Variants in GMEB1 observed in about 807,000 individuals in gnomAD.
GMEB1 encodes the protein glucocorticoid modulatory element-binding protein 1.
In GMEB1, 6 loss-of-function variants were observed where a neutral mutation model predicts 52.4. The ratio of observed to expected loss-of-function variants is 0.11; its 90% CI spans 0.06 to 0.23. GMEB1 has a LOEUF of 0.23. Ranked by LOEUF, GMEB1 falls within the 10% of genes least tolerant of loss-of-function variation. The pLI, the probability that GMEB1 is intolerant of heterozygous loss-of-function variation, is 1.00. For synonymous variants in GMEB1, 255 were observed against 244.9 expected (o/e 1.04, Z -0.38); for missense variants, 486 against 685.6 (o/e 0.71, Z 3.25).
chr1:28,712,977 CCT>C (rs1462201924), intron 9 of GMEB1, among the ~76,000 whole-genome samples: 2 of 144,266 alleles, frequency 1.4e-5, no homozygotes, highest in African/African-American at 2.6e-5. Flanking sequence ...ATGGTGAAAC[CCT>C]GTCTCTACTA....
chr1:28,685,321 T>G (rs1431307151), intron 2 of GMEB1, among the ~76,000 whole-genome samples: 2 of 152,034 alleles, frequency 1.3e-5, no homozygotes, highest in Non-Finnish European at 2.9e-5. Context: ...GTGATTCTCC[T>G]GCCTCAGACT....
Position 28,695,233 on chromosome 1 carries a change from T to C in GMEB1, c.441-1694T>C, listed in dbSNP as rs146146822. The stretch of plus-strand genomic sequence containing the variant: ...CTGCCCACCTCACCTCCCAAAGTGC[T>C]GGGATTACAGGCGTGAGCCACCACA... On this transcript the variant is annotated intron_variant, in intron 5 of 9. Transcript: ENST00000373816. Among the ~76,000 whole-genome samples, 506 of 150,998 alleles carry C rather than the reference T, an allele frequency of 3.4e-3. 3 individuals carry two copies. The highest frequency in any genetic ancestry group is 0.012 in the African/African-American group (489 of 41,156).
Position 28,712,059 on chromosome 1 carries a change from A to G in GMEB1, c.991+1417A>G, listed in dbSNP as rs189886946. 1.7e-4 allele frequency among the ~76,000 whole-genome samples: 26 copies of G among 152,232 alleles called. 1 individual carries two copies. In the East Asian group the frequency reaches 4.8e-3, roughly 28 times the overall value. Reference sequence around the variant, plus strand: ...TGCAAATGACCTGTGCTTCTGACCAACTGGCTATAAATTGGGGTTCCCACA... The same window carrying G: ...TGCAAATGACCTGTGCTTCTGACCAGCTGGCTATAAATTGGGGTTCCCACA... On this transcript the variant is annotated intron_variant, in intron 9 of 9. Coordinates refer to ENST00000373816, the MANE Select transcript of GMEB1 (RefSeq NM_001319674.2).
At chr1:28,699,272 T>A (rs1252176990) in intron 6 of GMEB1, among the ~76,000 whole-genome samples, 1 of 152,148 alleles carries the variant, frequency 6.6e-6, no homozygotes, top group Non-Finnish European at 1.5e-5. Context: ...AACTGTAAGA[T>A]TATTATTAAG....
Position 28,690,186 on chromosome 1 carries a change from G to A in GMEB1, c.211G>A (p.Asp71Asn). The A allele has an allele frequency of 7.9e-7, 1 of 1,264,704 alleles. No homozygotes were observed. Among genetic ancestry groups the A allele is most frequent in the Non-Finnish European group, 1.1e-6 (1 of 895,752 alleles). 78.3% of individuals were successfully genotyped at this position (1,264,704 alleles called of 1,614,324 possible). A position where few individuals can be genotyped will look rare whatever the true frequency, so the allele number is the denominator to read the frequency against. The part of the protein sequence containing the change: ...HTIHKIEEGI[D>N]TGTIEANEDM... ...GATACACAAAATTGAAGAAGGGATT[G>A]GTAAGGGTTTTTTTGTGTTTTTTTT... The change falls in exon 3 of 10, where the codon GAT becomes AAT. Residue 71 changes from aspartate to asparagine, a missense_variant and splice_region_variant. By Grantham distance (23) the Asp-to-Asn change is conservative (BLOSUM62 1). Transcript: ENST00000373816.
chr1:28,695,666 C>T lies in GMEB1; in HGVS notation c.441-1261C>T, dbSNP rs575831139. Among the ~76,000 whole-genome samples, 528 of 149,844 alleles carry T rather than the reference C, an allele frequency of 3.5e-3. 24 individuals are homozygous for T. The South Asian group carries it at 0.11, about 30-fold the overall frequency. ...TTAAAAAAATTTTTTCGGCCGGGCG[C>T]GGTGGCTCACGCCTGTAATCCCAGC... On this transcript the variant is annotated intron_variant, in intron 5 of 9. Transcript: ENST00000373816.
chr1:28,706,977 G>GTTTTTTT (rs1237383046), intron 8 of GMEB1, among the ~76,000 whole-genome samples: 32 of 82,766 alleles, frequency 3.9e-4, no homozygotes, highest in African/African-American at 5.1e-4. Context: ...TCCAGATTTG[G>GTTTTTTT]TTTTTTTTTT....
At chr1:28,713,158 A>T (rs1270667851) in intron 9 of GMEB1, among the ~76,000 whole-genome samples, 1 of 101,284 alleles carries the variant, frequency 9.9e-6, no homozygotes, top group African/African-American at 3.0e-5. Flanking sequence ...ACTCCATCTC[A>T]AAAAAAAAAA....
At chr1:28,672,668 C>T (rs1668947050) in intron 1 of GMEB1, among the ~76,000 whole-genome samples, 1 of 151,394 alleles carries the variant, frequency 6.6e-6, no homozygotes, top group Non-Finnish European at 1.5e-5. Flanking sequence ...CCCATTAACT[C>T]GTCATTTATA....
At position 28,672,652 on chromosome 1, in the gene GMEB1, G is replaced by A. The variant is rs1193925397; in HGVS notation, c.-31+3813G>A. Among the ~76,000 whole-genome samples, 3 of 151,674 alleles carry A rather than the reference G, an allele frequency of 2.0e-5. No homozygotes were observed. The East Asian group carries it at 5.8e-4, about 29-fold the overall frequency. On this transcript the variant is annotated intron_variant, in intron 1 of 9. Coordinates refer to ENST00000373816, the MANE Select transcript of GMEB1 (RefSeq NM_001319674.2). ...ATGTATACATGTGCCATGTTGGTGT[G>A]CTGCACCCATTAACTCGTCATTTAT...
At chr1:28,676,751 A>T (rs1369471013) in intron 1 of GMEB1, among the ~76,000 whole-genome samples, 1 of 151,576 alleles carries the variant, frequency 6.6e-6, no homozygotes, top group Non-Finnish European at 1.5e-5. Context: ...ATAAATAAAT[A>T]CAAATAAAGA....
rs1671285783 is a variant in GMEB1, at chr1:28,716,795, G to A, written c.*2022G>A. The A allele has an allele frequency of 6.6e-6, 1 of 151,754 alleles. No homozygotes were observed. The highest frequency in any genetic ancestry group is 2.4e-5 in the African/African-American group (1 of 41,306). 9.4% of individuals were successfully genotyped at this position (151,754 alleles called of 1,614,324 possible). A position where few individuals can be genotyped will look rare whatever the true frequency, so the allele number is the denominator to read the frequency against. On this transcript the variant is annotated 3_prime_UTR_variant, in exon 10 of 10. Transcript: ENST00000373816. Reference sequence around the variant, plus strand: ...GTTTTTAATGTTGTTTGTATATTTAGAGCTGGGCCATTTTCCGTGCTGCGA... The same window carrying A: ...GTTTTTAATGTTGTTTGTATATTTAAAGCTGGGCCATTTTCCGTGCTGCGA...
intron 1 of GMEB1, among the ~76,000 whole-genome samples, chr1:28,677,645 A>T (rs1669218771): frequency 6.6e-6 from 1 of 152,186 alleles, no homozygotes; most frequent in African/African-American, 2.4e-5. Context: ...AGGTTAGCTG[A>T]TTCTTTTAAT....
At chr1:28,679,209 G>A (rs1057367552) in intron 1 of GMEB1, among the ~76,000 whole-genome samples, 5 of 146,992 alleles carry the variant, frequency 3.4e-5, no homozygotes, top group South Asian at 2.2e-4. Flanking sequence ...ATGGAGTTTC[G>A]CTTTCTTGCC....
chr1:28,699,069 A>G (rs1028734132), intron 6 of GMEB1, among the ~76,000 whole-genome samples: 2 of 152,216 alleles, frequency 1.3e-5, no homozygotes, highest in Admixed American at 1.3e-4. Flanking sequence ...CACCCATTAT[A>G]CTGAGGTGTA....
rs1570448933 is a variant in GMEB1, at chr1:28,718,876, T to C, written c.*4103T>C. The stretch of plus-strand genomic sequence containing the variant: ...AGGTGGGGTCAGCAAATAAGGGAGA[T>C]CTTCCTGGAGAAGGCATATACCTAA... On this transcript the variant is annotated 3_prime_UTR_variant, in exon 10 of 10. Transcript: ENST00000373816. The C allele has an allele frequency of 6.6e-6, 1 of 151,980 alleles. No homozygotes were observed. The highest frequency in any genetic ancestry group is 2.1e-4 in the South Asian group (1 of 4,818). The allele number at this position is 151,980 out of a possible 1,614,324, so 9.4% of individuals were successfully genotyped here.
chr1:28,696,884 G>T, intron 5 of GMEB1, 43 bp from the exon 6 acceptor site: 1 of 1,501,060 alleles, frequency 6.7e-7, no homozygotes, highest in South Asian at 1.3e-5. Context: ...CCCACTAGAT[G>T]AAGTATAGGC....
chr1:28,713,993 C>A, intron 9 of GMEB1, 80 bp from the exon 10 acceptor site: 1 of 1,008,260 alleles, frequency 9.9e-7, no homozygotes, highest in Non-Finnish European at 1.5e-6. Context: ...CAGACAGAGA[C>A]ACCAGGTCTC....
chr1:28,684,818 T>G (rs1669564341), intron 2 of GMEB1, among the ~76,000 whole-genome samples: 1 of 152,024 alleles, frequency 6.6e-6, no homozygotes, highest in Non-Finnish European at 1.5e-5. Flanking sequence ...CATATACCCA[T>G]GTAACAAATC....
Sources: gnomAD v4.1 joint callset for allele counts (sites outside exome capture counted in the v4.1 genomes callset) on GRCh38, gnomAD v4.1.1 for gene constraint, MANE v1.5 for transcripts, NCBI Gene and HGNC (gene_info 2026-07-23, HGNC 2026-07-21) for gene names.